Variants in NRROS observed in about 807,000 individuals in gnomAD.
The protein encoded by NRROS is negative regulator of reactive oxygen species.
A neutral mutation model predicts 12.0 loss-of-function variants in NRROS; 6 were observed. The observed-to-expected ratio is 0.50, with a 90% confidence interval of 0.27 to 0.98. The LOEUF is 0.98. NRROS is among the 50% of genes least tolerant of loss of function. The pLI is 0.11. For missense variants in NRROS, 857 were observed against 888.2 expected (o/e 0.96, Z 0.45); for synonymous variants, 462 against 410.2 (o/e 1.13, Z -1.53).
chr3:196,644,228 A>G (rs1281819737), intron 1 of NRROS, among the ~76,000 whole-genome samples: 4 of 152,064 alleles, frequency 2.6e-5, no homozygotes, highest in African/African-American at 9.7e-5. Context: ...ACAGAAGGCC[A>G]TGGTCCCATG....
intron 1 of NRROS, among the ~76,000 whole-genome samples, chr3:196,640,298 C>T (rs538701239): frequency 6.7e-4 from 102 of 152,304 alleles, no homozygotes; most frequent in African/African-American, 2.4e-3. Context: ...CCGCTCTGTG[C>T]ACACTCAGCA....
chr3:196,648,741 G>A (rs1163070660), intron 1 of NRROS, among the ~76,000 whole-genome samples: 1 of 122,846 alleles, frequency 8.1e-6, no homozygotes, highest in Non-Finnish European at 1.6e-5. Context: ...ACTCCAGCCT[G>A]GGCAACAAGA....
At chr3:196,646,759 A>G (rs4916534) in intron 1 of NRROS, among the ~76,000 whole-genome samples, 8,332 of 152,184 alleles carry the variant, frequency 0.055, 306 homozygotes, top group Admixed American at 0.081. Context: ...ATTCCCAGAG[A>G]GTCTCTCGCC....
intron 1 of NRROS, among the ~76,000 whole-genome samples, chr3:196,644,803 A>G (rs1243912918): frequency 1.4e-5 from 2 of 147,634 alleles, no homozygotes; most frequent in Non-Finnish European, 3.0e-5. Flanking sequence ...AAAGAAAGAA[A>G]GGTGGCATGG....
At chr3:196,641,665 G>C (rs998744932) in intron 1 of NRROS, among the ~76,000 whole-genome samples, 3 of 152,164 alleles carry the variant, frequency 2.0e-5, no homozygotes, top group Non-Finnish European at 4.4e-5. Flanking sequence ...CTTTGTTCTG[G>C]GGTGTGCATT....
At chr3:196,646,142 C>G (rs1238706525) in intron 1 of NRROS, among the ~76,000 whole-genome samples, 1 of 146,074 alleles carries the variant, frequency 6.8e-6, no homozygotes, top group Non-Finnish European at 1.5e-5. Flanking sequence ...GTGAGGCCAT[C>G]AAGGCAAGTG....
chr3:196,658,263 T>C (rs138750755), intron 2 of NRROS, among the ~76,000 whole-genome samples: 2 of 152,366 alleles, frequency 1.3e-5, no homozygotes, highest in East Asian at 3.8e-4. Context: ...GTCTTATTTT[T>C]GTTTTTTAGA....
intron 1 of NRROS, among the ~76,000 whole-genome samples, chr3:196,647,500 A>T (rs1737334848): frequency 1.3e-5 from 2 of 152,208 alleles, no homozygotes; most frequent in African/African-American, 4.8e-5. Context: ...CCATTTGAAT[A>T]TTTACTTTTT....
At chr3:196,641,906 G>A (rs984050827) in intron 1 of NRROS, among the ~76,000 whole-genome samples, 1 of 152,322 alleles carries the variant, frequency 6.6e-6, no homozygotes, top group South Asian at 2.1e-4. Context: ...TCTTTCTTAG[G>A]ACATGCTGTG....
intron 1 of NRROS, among the ~76,000 whole-genome samples, chr3:196,643,827 G>A (rs1737253908): frequency 6.6e-6 from 1 of 152,138 alleles, no homozygotes; most frequent in South Asian, 2.1e-4. Flanking sequence ...TCCCCTCTGT[G>A]GTCCTCAGGC....
Position 196,661,082 on chromosome 3 carries a change from G to T in NRROS, c.1439G>T (p.Cys480Phe). The T allele has an allele frequency of 1.2e-6, 2 of 1,614,126 alleles. No individual in the cohort carries two copies. Among genetic ancestry groups the T allele is most frequent in the Non-Finnish European group, 1.7e-6 (2 of 1,180,038 alleles). Residue 480 changes from cysteine (C) to phenylalanine (F), a missense_variant, in exon 3 of 3, where the codon TGC becomes TTC. Cys to Phe is a radical substitution (Grantham distance 205). Transcript: ENST00000328557. The stretch of plus-strand genomic sequence containing the variant: ...TGTGGCCTGGGGGCATTGCCAGACT[G>T]CCCATTCCAAGGGACCTCCCTGACC... ...EGCGLGALPD[C>F]PFQGTSLTYL...
intron 2 of NRROS, among the ~76,000 whole-genome samples, chr3:196,658,076 C>T (rs1737576112): frequency 6.6e-6 from 1 of 152,192 alleles, no homozygotes; most frequent in Non-Finnish European, 1.5e-5. Flanking sequence ...AAAAGCAGAG[C>T]CACGAAGCAT....
chr3:196,642,845 G>T (rs137910438), intron 1 of NRROS, among the ~76,000 whole-genome samples: 62 of 152,282 alleles, frequency 4.1e-4, no homozygotes, highest in African/African-American at 9.4e-4. Flanking sequence ...GCCGAGGCGG[G>T]TGGATCAGGA....
At chr3:196,643,355 G>A (rs933364402) in intron 1 of NRROS, among the ~76,000 whole-genome samples, 5 of 152,172 alleles carry the variant, frequency 3.3e-5, no homozygotes, top group South Asian at 2.1e-4. Flanking sequence ...GTGGAACCTC[G>A]TCATGGTCCT....
At chr3:196,643,359 T>C (rs139041401) in intron 1 of NRROS, among the ~76,000 whole-genome samples, 1 of 152,170 alleles carries the variant, frequency 6.6e-6, no homozygotes, top group Non-Finnish European at 1.5e-5. Context: ...AACCTCGTCA[T>C]GGTCCTCACC....
chr3:196,647,981 T>G (rs184894415), intron 1 of NRROS, among the ~76,000 whole-genome samples: 2 of 152,342 alleles, frequency 1.3e-5, no homozygotes, highest in East Asian at 3.9e-4. Flanking sequence ...GGATTGCAGG[T>G]GTGAGCCACT....
intron 1 of NRROS, among the ~76,000 whole-genome samples, chr3:196,647,333 G>C (rs11720010): frequency 0.071 from 10,861 of 152,136 alleles, 478 homozygotes; most frequent in South Asian, 0.099. Flanking sequence ...CAGTTCTTAG[G>C]GGGGGAGAAG....
Position 196,659,818 on chromosome 3 carries a change from G to T in NRROS, c.175G>T (p.Ala59Ser). 6.2e-7 allele frequency: 1 copy of T among 1,613,950 alleles called. No homozygotes were observed. The highest frequency in any genetic ancestry group is 8.5e-7 in the Non-Finnish European group (1 of 1,179,926). ...GGTGCCCAGCAGCCTCCCGCCCCAC[G>T]CCCGGATGCTCACCCTGGATGCCAA... ...ASVPSSLPPH[A>S]RMLTLDANPL... The change falls in exon 3 of 3, where the codon GCC becomes TCC. Residue 59 changes from alanine (A) to serine (S), a missense_variant. Coordinates refer to ENST00000328557, the MANE Select transcript of NRROS (RefSeq NM_198565.3).
At chr3:196,642,134 G>A (rs1737220389) in intron 1 of NRROS, among the ~76,000 whole-genome samples, 1 of 152,080 alleles carries the variant, frequency 6.6e-6, no homozygotes, top group Non-Finnish European at 1.5e-5. Context: ...ATTTCTGAAA[G>A]CTCAGAGACG....
Sources: allele counts gnomAD v4.1 joint callset (sites outside exome capture counted in the v4.1 genomes callset), GRCh38; gene constraint gnomAD v4.1.1; transcripts MANE v1.5; gene names NCBI Gene and HGNC (gene_info 2026-07-23, HGNC 2026-07-21).